CNIH3: variants seen among roughly 807,000 people sequenced by gnomAD.
CNIH3 encodes the protein protein cornichon homolog 3.
Under a neutral mutation model 24.1 loss-of-function variants are expected in CNIH3, and 14 were observed. That is an observed-to-expected ratio of 0.58 (90% CI 0.38 to 0.91). The LOEUF (loss-of-function observed/expected upper bound fraction) is 0.91. Among genes scored for constraint, CNIH3 ranks in the 40% least tolerant of loss-of-function variants. The probability of loss-of-function intolerance (pLI) is 0.00; values close to 1 mark genes in which losing one functional copy is unlikely to be tolerated. For missense variants in CNIH3, 178 were observed against 196.8 expected, an observed-to-expected ratio of 0.90 and a Z score of 0.57; for synonymous variants, 68 against 73.8, an observed-to-expected ratio of 0.92 and a Z score of 0.40.
At chr1:224,628,424 A>G (rs1281190172) in intron 1 of CNIH3, among the ~76,000 whole-genome samples, 3 of 152,042 alleles carry the variant, frequency 2.0e-5, no homozygotes, top group Non-Finnish European at 2.9e-5. Flanking sequence ...TGTGCCCATT[A>G]AACAGTAGCT....
intron 1 of CNIH3, among the ~76,000 whole-genome samples, chr1:224,477,242 G>A (rs1203279424): frequency 6.6e-6 from 1 of 152,204 alleles, no homozygotes; most frequent in East Asian, 1.9e-4. Context: ...TGTTCCTATG[G>A]TAGTTCTTGG....
downstream of CNIH3, among the ~76,000 whole-genome samples, chr1:224,591,795 C>G (rs1681766715): frequency 6.6e-6 from 1 of 152,190 alleles, no homozygotes; most frequent in Non-Finnish European, 1.5e-5. Context: ...TGCTAGCTGA[C>G]TCTGCTATTT....
chr1:224,617,239 T>G lies in CNIH3; in HGVS notation c.65T>G (p.Phe22Cys). The change falls in exon 1 of 6, where the codon TTC (phenylalanine) becomes TGC (cysteine). Residue 22 changes from phenylalanine (F) to cysteine (C), a missense_variant. By Grantham distance (205) the Phe-to-Cys change is radical (BLOSUM62 -2). Transcript: ENST00000272133. Reference protein sequence around the residue: ...LSLVLCAALIFFAIWHIIAFD... With the variant: ...LSLVLCAALICFAIWHIIAFD... Reference sequence around the variant, plus strand: ...CTGGTGCTGTGCGCTGCGCTCATCTTCTTCGCCATCTGGCACGTGAGTAAC... The same window carrying G: ...CTGGTGCTGTGCGCTGCGCTCATCTGCTTCGCCATCTGGCACGTGAGTAAC... The G allele has an allele frequency of 6.2e-7, 1 of 1,614,048 alleles. No homozygotes were observed. Among genetic ancestry groups the G allele is most frequent in the Non-Finnish European group, 8.5e-7 (1 of 1,179,984 alleles).
intron 3 of CNIH3, among the ~76,000 whole-genome samples, chr1:224,556,571 G>C (rs1454181301): frequency 6.6e-6 from 1 of 152,152 alleles, no homozygotes; most frequent in Non-Finnish European, 1.5e-5. Context: ...ATGGGGCAGG[G>C]TGTATGGTTT....
intron 1 of CNIH3, among the ~76,000 whole-genome samples, chr1:224,672,194 C>T (rs1039036961): frequency 1.3e-4 from 20 of 151,398 alleles, no homozygotes; most frequent in South Asian, 8.4e-4. Context: ...GTATTCTGAG[C>T]GTGGGTTTGG....
At chr1:224,644,174 G>T (rs1684489832) in intron 1 of CNIH3, among the ~76,000 whole-genome samples, 1 of 152,170 alleles carries the variant, frequency 6.6e-6, no homozygotes, top group Non-Finnish European at 1.5e-5. Context: ...ATGCCTTGGG[G>T]AGTGCTCCCT....
At chr1:224,648,300 A>G (rs1017580892) in intron 1 of CNIH3, among the ~76,000 whole-genome samples, 1 of 151,946 alleles carries the variant, frequency 6.6e-6, no homozygotes, top group African/African-American at 2.4e-5. Flanking sequence ...AATCCCAGCT[A>G]CTAGGGACGC....
chr1:224,598,102 C>T (rs1682062374), intron 3 of CNIH3, among the ~76,000 whole-genome samples: 1 of 152,216 alleles, frequency 6.6e-6, no homozygotes. Flanking sequence ...ACCATTCTAA[C>T]ATGCCATTAA....
chr1:224,699,972 C>T (rs1687393034), intron 3 of CNIH3, among the ~76,000 whole-genome samples: 1 of 152,076 alleles, frequency 6.6e-6, no homozygotes, highest in Non-Finnish European at 1.5e-5. Flanking sequence ...TCCACTGGGC[C>T]CTGCGGTTAT....
chr1:224,696,567 G>A (rs374129419), intron 3 of CNIH3, among the ~76,000 whole-genome samples: 6 of 152,182 alleles, frequency 3.9e-5, no homozygotes, highest in Non-Finnish European at 5.9e-5. Flanking sequence ...GGAGCAAGAC[G>A]AGGTGTCACA....
chr1:224,580,074 C>T (rs1681207413), intron 4 of CNIH3, among the ~76,000 whole-genome samples: 1 of 152,156 alleles, frequency 6.6e-6, no homozygotes, highest in African/African-American at 2.4e-5. Context: ...CTACCCTCAG[C>T]TGTGCCTAGA....
intron 3 of CNIH3, among the ~76,000 whole-genome samples, chr1:224,609,660 G>A (rs1464035926): frequency 1.3e-5 from 2 of 152,154 alleles, no homozygotes; most frequent in Non-Finnish European, 2.9e-5. Flanking sequence ...AGATACTCTC[G>A]AATTTTGTGT....
intron 1 of CNIH3, among the ~76,000 whole-genome samples, chr1:224,502,446 T>C (rs74355513): frequency 2.0e-5 from 3 of 152,306 alleles, no homozygotes; most frequent in Admixed American, 1.3e-4. Flanking sequence ...AGCCTTTTAT[T>C]TGGAGGCTGG....
intron 3 of CNIH3, among the ~76,000 whole-genome samples, chr1:224,598,531 A>G (rs941740022): frequency 6.6e-6 from 1 of 152,262 alleles, no homozygotes; most frequent in African/African-American, 2.4e-5. Context: ...AATGCTATCA[A>G]ACAGCATTGC....
At chr1:224,529,382 G>A (rs1678971982) in intron 2 of CNIH3, 1 of 152,192 alleles carries the variant, frequency 6.6e-6, no homozygotes, top group Admixed American at 6.5e-5. Flanking sequence ...TGCAAGAGAG[G>A]ATGAATTCAA....
At chr1:224,694,115 G>C (rs1401457999) in intron 3 of CNIH3, among the ~76,000 whole-genome samples, 1 of 152,236 alleles carries the variant, frequency 6.6e-6, no homozygotes, top group Non-Finnish European at 1.5e-5. Context: ...CTTCCACCCA[G>C]AGAAGTTGAC....
intron 3 of CNIH3, among the ~76,000 whole-genome samples, chr1:224,694,398 T>A (rs147818679): frequency 7.9e-4 from 120 of 152,114 alleles, no homozygotes; most frequent in African/African-American, 2.7e-3. Flanking sequence ...ATTGAGAGGG[T>A]CCCTAAACCT....
At chr1:224,631,412 G>A (rs1356541623) in intron 1 of CNIH3, among the ~76,000 whole-genome samples, 4 of 152,180 alleles carry the variant, frequency 2.6e-5, no homozygotes, top group Non-Finnish European at 5.9e-5. Flanking sequence ...GGGCAACCTG[G>A]CTGGTTCAGA....
chr1:224,554,353 A>G (rs1455249754), intron 3 of CNIH3, among the ~76,000 whole-genome samples: 1 of 152,150 alleles, frequency 6.6e-6, no homozygotes, highest in Non-Finnish European at 1.5e-5. Context: ...ACTAACGTTT[A>G]TTCAACATTT....
Sources: allele counts gnomAD v4.1 joint callset (sites outside exome capture counted in the v4.1 genomes callset), GRCh38; gene constraint gnomAD v4.1.1; transcripts MANE v1.5; gene names NCBI Gene and HGNC (gene_info 2026-07-23, HGNC 2026-07-21).